RASD2: variants seen among roughly 807,000 people sequenced by gnomAD.
RASD2 encodes the protein GTP-binding protein Rhes.
Under a neutral mutation model 15.8 loss-of-function variants are expected in RASD2, and 7 were observed. That is an observed-to-expected ratio of 0.44 (90% CI 0.25 to 0.83). RASD2 has a LOEUF of 0.83. Ranked by LOEUF, RASD2 falls within the 40% of genes least tolerant of loss-of-function variation. The probability of loss-of-function intolerance (pLI) is 0.20; values close to 1 mark genes in which losing one functional copy is unlikely to be tolerated. For synonymous variants in RASD2, 155 were observed against 153.6 expected (o/e 1.01, Z -0.07); for missense variants, 274 against 382.8 (o/e 0.72, Z 2.37).
chr22:35,542,216 G>A (rs563351561), intron 1 of RASD2, among the ~76,000 whole-genome samples: 127 of 152,334 alleles, frequency 8.3e-4, no homozygotes, highest in African/African-American at 2.9e-3. Context: ...CTCCTGTGGT[G>A]TCAGAGACAA....
chr22:35,552,668 C>G lies in RASD2; in HGVS notation c.*636C>G, dbSNP rs1050980156. The G allele has an allele frequency of 2.0e-5, 3 of 153,264 alleles. No homozygotes were observed. In the East Asian group the frequency reaches 5.8e-4, roughly 29 times the overall value. 9.5% of individuals were successfully genotyped at this position (153,264 alleles called of 1,614,324 possible). ...CACTTAGACCACGCCCACCTCCTGA[C>G]CGCGTTCCTCAGCCTCCTCTCCTAG... On this transcript the variant is annotated 3_prime_UTR_variant, in exon 3 of 3. Transcript: ENST00000216127.
rs987870349 is a variant in RASD2 at position 35,552,158 on chromosome 22, G to C, written c.*126G>C. 3 of 1,282,206 alleles carry C rather than the reference G, an allele frequency of 2.3e-6. No homozygotes were observed. The African/African-American group carries it at 4.5e-5, about 19-fold the overall frequency. 79.4% of individuals were successfully genotyped at this position (1,282,206 alleles called of 1,614,324 possible). A position where few individuals can be genotyped will look rare whatever the true frequency, so the allele number is the denominator to read the frequency against. The stretch of plus-strand genomic sequence containing the variant: ...TTCACAGACCTTAGGCACCAGACTG[G>C]AGGCCCCCGGGCGCTGGCCTCCGCA... On this transcript the variant is annotated 3_prime_UTR_variant, in exon 3 of 3. Coordinates refer to ENST00000216127, the MANE Select transcript of RASD2 (RefSeq NM_014310.4).
In RASD2 at chr22:35,552,653, A is replaced by T. The variant is rs935932359; in HGVS notation, c.*621A>T. 6.6e-6 allele frequency: 1 copy of T among 152,500 alleles called. No homozygotes were observed. The highest frequency in any genetic ancestry group is 2.4e-5 in the African/African-American group (1 of 41,188). 9.4% of individuals were successfully genotyped at this position (152,500 alleles called of 1,614,324 possible). ...CTAGACCACGCCCACCACTTAGACC[A>T]CGCCCACCTCCTGACCGCGTTCCTC... On this transcript the variant is annotated 3_prime_UTR_variant, in exon 3 of 3. Coordinates refer to ENST00000216127, the MANE Select transcript of RASD2 (RefSeq NM_014310.4).
chr22:35,535,214 G>A, the RASD2 span, among the ~76,000 whole-genome samples: 1,059 of 152,038 alleles, frequency 7.0e-3, 10 homozygotes, highest in African/African-American at 0.025. Flanking sequence ...GACCAGCCTG[G>A]GCAACATAGC....
At position 35,551,388 on chromosome 22, in the gene RASD2, T is replaced by C; in HGVS notation, c.272-115T>C. The C allele has an allele frequency of 9.6e-7, 1 of 1,041,308 alleles. No homozygotes were observed. 64.5% of individuals were successfully genotyped at this position (1,041,308 alleles called of 1,614,324 possible). On this transcript the variant is annotated intron_variant, in intron 2 of 2. Coordinates refer to ENST00000216127, the MANE Select transcript of RASD2 (RefSeq NM_014310.4). This position sits in a 1 kb window ranked among gnomAD's most constrained non-coding sequence, Gnocchi z 4.9. ...TGTAGGTTAAAGCAGTTATGCCGCATAACTGCTTCAGGGCACCTGTGACTC... is the reference window on the plus strand; with the variant it reads ...TGTAGGTTAAAGCAGTTATGCCGCACAACTGCTTCAGGGCACCTGTGACTC...
intron 1 of RASD2, among the ~76,000 whole-genome samples, chr22:35,546,575 A>C (rs1342093328): frequency 6.6e-6 from 1 of 152,162 alleles, no homozygotes; most frequent in East Asian, 1.9e-4. Flanking sequence ...GCATAAATGA[A>C]AGGATGAATG....
chr22:35,533,263 C>T, the RASD2 span, among the ~76,000 whole-genome samples: 4 of 152,340 alleles, frequency 2.6e-5, no homozygotes, highest in South Asian at 4.1e-4. Context: ...GCGTGTTTCC[C>T]AGGGCTGTTG....
chr22:35,547,402 C>T (rs772624619), intron 2 of RASD2, among the ~76,000 whole-genome samples: 11 of 152,188 alleles, frequency 7.2e-5, no homozygotes, highest in Non-Finnish European at 1.0e-4. Flanking sequence ...TTTCCTTCTC[C>T]GGAAGATGAC....
At chr22:35,548,114 G>T (rs994367365) in intron 2 of RASD2, among the ~76,000 whole-genome samples, 6 of 152,196 alleles carry the variant, frequency 3.9e-5, no homozygotes, top group Non-Finnish European at 2.9e-5. Context: ...CAGGGAGGTT[G>T]GGGGGAAGAA....
chr22:35,548,216 G>T (rs1934566709), intron 2 of RASD2, among the ~76,000 whole-genome samples: 1 of 152,194 alleles, frequency 6.6e-6, no homozygotes, highest in Non-Finnish European at 1.5e-5. Context: ...ACCTGGGTGT[G>T]AGCCCTGGTT....
At chr22:35,537,638 G>A (rs1392807459), upstream of RASD2, among the ~76,000 whole-genome samples, 1 of 152,222 alleles carries the variant, frequency 6.6e-6, no homozygotes, top group East Asian at 1.9e-4. Context: ...CCAGGCTTTG[G>A]TGCTGTGGGA....
chr22:35,545,436 C>T (rs1040422762), intron 1 of RASD2, among the ~76,000 whole-genome samples: 19 of 152,206 alleles, frequency 1.2e-4, no homozygotes, highest in Admixed American at 9.8e-4. Context: ...TTCCTCTACA[C>T]AAGATGCCCT....
intron 1 of RASD2, among the ~76,000 whole-genome samples, chr22:35,543,268 G>A (rs1934399025): frequency 6.6e-6 from 1 of 152,152 alleles, no homozygotes; most frequent in Non-Finnish European, 1.5e-5. Flanking sequence ...GCCCTGTGAT[G>A]GGGTCAGTAG....
chr22:35,548,536 G>C (rs981404190), intron 2 of RASD2, among the ~76,000 whole-genome samples: 3 of 152,142 alleles, frequency 2.0e-5, no homozygotes, highest in Non-Finnish European at 2.9e-5. Context: ...GCATCATTCA[G>C]ATAACCCCCC....
At chr22:35,549,653 G>A (rs969926056) in intron 2 of RASD2, among the ~76,000 whole-genome samples, 1 of 152,148 alleles carries the variant, frequency 6.6e-6, no homozygotes, top group Non-Finnish European at 1.5e-5. Context: ...ATCCATTCAG[G>A]CTTCCTTGGT....
Position 35,546,978 on chromosome 22 carries a change from C to T in RASD2, c.169C>T (p.Arg57Cys), listed in dbSNP as rs749751259. 4 of 1,614,032 alleles carry T rather than the reference C, an allele frequency of 2.5e-6. No homozygotes were observed. The highest frequency in any genetic ancestry group is 2.2e-5 in the East Asian group (1 of 44,892). ...QYTPTIEDFH[R>C]KVYNIRGDMY... is the part of the protein sequence containing the mutation. ...CACACCCACCATCGAGGACTTCCACCGTAAGGTATACAACATCCGCGGCGA... is the reference window on the plus strand; with the variant it reads ...CACACCCACCATCGAGGACTTCCACTGTAAGGTATACAACATCCGCGGCGA... The change falls in exon 2 of 3, where the codon CGT (arginine) becomes TGT (cysteine). Residue 57 changes from arginine (R) to cysteine (C), a missense_variant. Physicochemically the swap from Arg to Cys is radical, Grantham distance 180. Coordinates refer to ENST00000216127, the MANE Select transcript of RASD2 (RefSeq NM_014310.4).
At chr22:35,550,771 G>A (rs926654195) in intron 2 of RASD2, among the ~76,000 whole-genome samples, 2 of 152,210 alleles carry the variant, frequency 1.3e-5, no homozygotes, top group Non-Finnish European at 2.9e-5. Context: ...TGTGATCTTG[G>A]GCAGGCTGCA....
chr22:35,550,394 T>C (rs1934629979), intron 2 of RASD2, among the ~76,000 whole-genome samples: 2 of 123,704 alleles, frequency 1.6e-5, no homozygotes, highest in Admixed American at 2.2e-4. Flanking sequence ...TGAGCCAAGA[T>C]CACACCACTG....
Position 35,552,039 on chromosome 22 carries a change from G to A in RASD2, c.*7G>A. 1 of 1,590,810 alleles carries A rather than the reference G, an allele frequency of 6.3e-7. No individual in the cohort carries two copies. The highest frequency in any genetic ancestry group is 1.3e-5 in the African/African-American group (1 of 74,858). On this transcript the variant is annotated 3_prime_UTR_variant, in exon 3 of 3. Transcript: ENST00000216127. ...CAAGTGCACCATCCAGTGAGCGAGG[G>A]ATGCTGGGGCGGGGCTTGGCCAGTG...
Sources: gnomAD v4.1 joint callset for allele counts (sites outside exome capture counted in the v4.1 genomes callset) on GRCh38, gnomAD v4.1.1 for gene constraint, Gnocchi (gnomAD v3.1) non-coding constraint, MANE v1.5 for transcripts, NCBI Gene and HGNC (gene_info 2026-07-23, HGNC 2026-07-21) for gene names.